The following KCNQ2 variants were observed in gnomAD, a reference collection of about 807,000 sequenced individuals.
The protein encoded by KCNQ2 is potassium voltage-gated channel subfamily Q member 2.
Under a neutral mutation model 84.8 loss-of-function variants are expected in KCNQ2, and 14 were observed. That is an observed-to-expected ratio of 0.17 (90% confidence interval 0.11 to 0.26). The LOEUF (loss-of-function observed/expected upper bound fraction) is 0.26. Ranked by LOEUF, KCNQ2 falls within the 10% of genes least tolerant of loss-of-function variation. KCNQ2 has a pLI of 1.00. For synonymous variants in KCNQ2, 599 were observed against 554.1 expected (o/e 1.08, Z -1.14); for missense variants, 788 against 1,254.0 (o/e 0.63, Z 5.61).
At position 63,429,517 on chromosome 20, in the gene KCNQ2, C is replaced by T. The variant is rs1423689562; in HGVS notation, c.1149-1082G>A. On this transcript the variant is annotated intron_variant, in intron 9 of 16. Coordinates refer to ENST00000359125, the MANE Select transcript of KCNQ2 (RefSeq NM_172107.4). ...GCCACCCCCTGGAGATGCCCCTGCC[C>T]GTGTCCTCCCTCTGCCCCAGGCTGG... is the stretch of plus-strand genomic sequence containing the variant. Among the ~76,000 whole-genome samples, 14 of 152,276 alleles carry T rather than the reference C, an allele frequency of 9.2e-5. 1 individual carries two copies. Among genetic ancestry groups the T allele is most frequent in the Admixed American group, 7.8e-4 (12 of 15,308 alleles).
rs1695165700 is a variant in KCNQ2 at position 63,425,273 on chromosome 20, G to C, written c.1218-1067C>G. Among the ~76,000 whole-genome samples the C allele has an allele frequency of 6.6e-6, 1 of 152,112 alleles. No homozygotes were observed. Among genetic ancestry groups the C allele is most frequent in the African/African-American group, 2.4e-5 (1 of 41,416 alleles). ...AAATCAGGTCACATTTGCAAATTCT[G>C]GGACATTTTGGAGACCAGCATTCAA... On this transcript the variant is annotated intron_variant, in intron 10 of 16. Coordinates refer to ENST00000359125, the MANE Select transcript of KCNQ2 (RefSeq NM_172107.4). The surrounding 1 kb of genome is among the most constrained non-coding windows in gnomAD (Gnocchi z 5.5).
At chr20:63,447,710 T>C (rs1219622514) in intron 1 of KCNQ2, among the ~76,000 whole-genome samples, 2 of 152,208 alleles carry the variant, frequency 1.3e-5, no homozygotes, top group Non-Finnish European at 2.9e-5. Context: ...TTCTCCCGCC[T>C]CAGCCTCCAG....
chr20:63,472,571 G>T lies in KCNQ2; in HGVS notation c.-108C>A. The T allele has an allele frequency of 9.9e-7, 1 of 1,009,058 alleles. No homozygotes were observed. The highest frequency in any genetic ancestry group is 1.2e-6 in the Non-Finnish European group (1 of 801,230). The allele number at this position is 1,009,058 out of a possible 1,614,324, so 62.5% of individuals were successfully genotyped here. A position where few individuals can be genotyped will look rare whatever the true frequency, so the allele number is the denominator to read the frequency against. ...CCCCCCGGCCGGGAGCCGCATGGCC[G>T]AGGCGGCGGTTCCGCACTCCTGCCG... is the stretch of plus-strand genomic sequence containing the variant. On this transcript the variant is annotated 5_prime_UTR_variant, in exon 1 of 17. Transcript: ENST00000359125.
chr20:63,449,977 A>G (rs1361786712), intron 1 of KCNQ2, among the ~76,000 whole-genome samples: 1 of 151,852 alleles, frequency 6.6e-6, no homozygotes, highest in Non-Finnish European at 1.5e-5. Context: ...CATCAGTGCC[A>G]TCACCAGCAC....
At chr20:63,431,240 C>G (rs1044836708) in intron 9 of KCNQ2, 100 bp downstream of exon 9, 4 of 1,352,326 alleles carry the variant, frequency 3.0e-6, no homozygotes, top group Non-Finnish European at 4.2e-6. Flanking sequence ...CTCTGCAGAC[C>G]GGGTGGGCCA....
chr20:63,446,856 C>T lies in KCNQ2; in HGVS notation c.297-19G>A, dbSNP rs755735309. The T allele has an allele frequency of 1.7e-5, 28 of 1,606,216 alleles. No individual in the cohort carries two copies. Among genetic ancestry groups the T allele is most frequent in the East Asian group, 4.5e-5 (2 of 44,848 alleles). On this transcript the variant is annotated intron_variant, in intron 1 of 16. Transcript: ENST00000359125. The surrounding 1 kb of genome is among the most constrained non-coding windows in gnomAD (Gnocchi z 5.5). ...GAGGAACCTGGGGGCAGGGAACGCGCGCTCTCAGACAGGCCGCAGCAGGGC... is the reference window on the plus strand; with the variant it reads ...GAGGAACCTGGGGGCAGGGAACGCGTGCTCTCAGACAGGCCGCAGCAGGGC...
At chr20:63,412,075 A>C in intron 15 of KCNQ2, 1 of 552,692 alleles carries the variant, frequency 1.8e-6, no homozygotes, top group South Asian at 2.1e-5. Context: ...GTTTCAAGCA[A>C]AGCTTTTGAC....
chr20:63,407,358 C>T lies in KCNQ2; in HGVS notation c.1905G>A (p.Lys635=). The change falls in exon 17 of 17, where the codon AAG becomes AAA. Residue 635 remains lysine, a synonymous_variant. Transcript: ENST00000359125. The surrounding 1 kb of genome is among the most constrained non-coding windows in gnomAD (Gnocchi z 7.2). ...AGATATTCACCAGGAAGTCCAGCTT[C>T]TTCTCCATGGACAAGACCTGCAAAA... ...KVEKQVLSME[K]KLDFLVNIYM... is the part of the protein sequence containing the mutation. 1 of 1,597,852 alleles carries T rather than the reference C, an allele frequency of 6.3e-7. No individual in the cohort carries two copies. Among genetic ancestry groups the T allele is most frequent in the South Asian group, 1.1e-5 (1 of 91,012 alleles).
At chr20:63,443,457 TCAC>T (rs1568937951) in intron 4 of KCNQ2, among the ~76,000 whole-genome samples, 431 of 27,140 alleles carry the variant, frequency 0.016, 3 homozygotes, top group African/African-American at 0.044. Context: ...ACCATCACCA[TCAC>T]CACCATCACC....
chr20:63,446,185 G>A lies in KCNQ2; in HGVS notation c.387+562C>T, dbSNP rs1190429306. ...AAGGCCCCAGGTAACTGCAAAGGGG[G>A]CCACAGTCTCCACCCAGACCTTGGG... On this transcript the variant is annotated intron_variant, in intron 2 of 16. Transcript: ENST00000359125. This position sits in a 1 kb window ranked among gnomAD's most constrained non-coding sequence, Gnocchi z 5.5. 1.5e-5 allele frequency: 4 copies of A among 265,986 alleles called. No homozygotes were observed. The highest frequency in any genetic ancestry group is 3.7e-5 in the South Asian group (1 of 26,886). 16.5% of individuals were successfully genotyped at this position (265,986 alleles called of 1,614,324 possible).
chr20:63,449,686 C>T (rs925541641), intron 1 of KCNQ2, among the ~76,000 whole-genome samples: 6 of 151,934 alleles, frequency 3.9e-5, no homozygotes. Flanking sequence ...CTCCACAGCC[C>T]GGGAGAAGAG....
chr20:63,400,440 C>T lies in KCNQ2; in HGVS notation c.*6204G>A. 2.5e-6 allele frequency: 1 copy of T among 397,090 alleles called. No homozygotes were observed. Among genetic ancestry groups the T allele is most frequent in the Admixed American group, 4.4e-5 (1 of 22,710 alleles). 24.6% of individuals were successfully genotyped at this position (397,090 alleles called of 1,614,324 possible). On this transcript the variant is annotated 3_prime_UTR_variant, in exon 17 of 17. Transcript: ENST00000359125. This position sits in a 1 kb window ranked among gnomAD's most constrained non-coding sequence, Gnocchi z 8.7. ...CTGTTAGAAAACTAGAGTTCATTCCCTGGGCGTCTATCCCTAGAAAATGGA... is the reference window on the plus strand; with the variant it reads ...CTGTTAGAAAACTAGAGTTCATTCCTTGGGCGTCTATCCCTAGAAAATGGA...
At chr20:63,456,368 G>A (rs569228354) in intron 1 of KCNQ2, among the ~76,000 whole-genome samples, 1 of 152,326 alleles carries the variant, frequency 6.6e-6, no homozygotes, top group East Asian at 1.9e-4. Context: ...CAGTCCCACA[G>A]CCAGCCCCCT....
intron 1 of KCNQ2, among the ~76,000 whole-genome samples, chr20:63,470,310 G>A (rs936308163): frequency 5.6e-4 from 85 of 151,812 alleles, no homozygotes; most frequent in African/African-American, 1.8e-3. Context: ...GCTGGAAGGC[G>A]GGGCTGTTCA....
At chr20:63,427,274 G>A (rs1336102543) in intron 10 of KCNQ2, among the ~76,000 whole-genome samples, 2 of 152,214 alleles carry the variant, frequency 1.3e-5, no homozygotes, top group African/African-American at 4.8e-5. Context: ...TTTAAATCAG[G>A]TGTGTGTGAT....
Position 63,406,481 on chromosome 20 carries a change from C to T in KCNQ2, c.*163G>A. 2 of 829,862 alleles carry T rather than the reference C, an allele frequency of 2.4e-6. No homozygotes were observed. Among genetic ancestry groups the T allele is most frequent in the Non-Finnish European group, 3.6e-6 (2 of 548,938 alleles). 51.4% of individuals were successfully genotyped at this position (829,862 alleles called of 1,614,324 possible). The stretch of plus-strand genomic sequence containing the variant: ...AAATAACTTTTGTAAAAGGTCACTG[C>T]CAGGAGCCCCCATCCTTCAGCCCAC... On this transcript the variant is annotated 3_prime_UTR_variant, in exon 17 of 17. Coordinates refer to ENST00000359125, the MANE Select transcript of KCNQ2 (RefSeq NM_172107.4).
intron 7 of KCNQ2, among the ~76,000 whole-genome samples, chr20:63,435,332 G>T (rs1358995786): frequency 6.7e-6 from 1 of 149,848 alleles, no homozygotes; most frequent in Non-Finnish European, 1.5e-5. Flanking sequence ...AGGCTGCAGT[G>T]AGCCAAGATC....
intron 12 of KCNQ2, among the ~76,000 whole-genome samples, chr20:63,418,752 C>T (rs567296258): frequency 1.3e-5 from 2 of 152,358 alleles, no homozygotes; most frequent in South Asian, 2.1e-4. Context: ...CAAGCACCAA[C>T]GCCCCCAGAA....
intron 1 of KCNQ2, among the ~76,000 whole-genome samples, chr20:63,464,167 A>T (rs1220773371): frequency 6.6e-6 from 1 of 152,006 alleles, no homozygotes; most frequent in African/African-American, 2.4e-5. Context: ...CACTGTCTGA[A>T]AACCACCACT....
Sources: gnomAD v4.1 joint callset for allele counts (sites outside exome capture counted in the v4.1 genomes callset) on GRCh38, gnomAD v4.1.1 for gene constraint, Gnocchi (gnomAD v3.1) non-coding constraint, MANE v1.5 for transcripts, NCBI Gene and HGNC (gene_info 2026-07-23, HGNC 2026-07-21) for gene names.